Variants in MSL2 observed in about 807,000 individuals in gnomAD.
MSL2 encodes the protein MSL complex subunit 2.
In MSL2, 2 loss-of-function variants were observed where a neutral mutation model predicts 35.8. The observed-to-expected ratio is 0.06, with a 90% CI of 0.02 to 0.18. The LOEUF (loss-of-function observed/expected upper bound fraction) is 0.18. Among genes scored for constraint, MSL2 ranks in the 10% least tolerant of loss-of-function variants. The probability of loss-of-function intolerance (pLI) is 1.00; values close to 1 mark genes in which losing one functional copy is unlikely to be tolerated. For synonymous variants in MSL2, 296 were observed against 255.7 expected, an observed-to-expected ratio of 1.16 and a Z score of -1.50; for missense variants, 523 against 706.7, an observed-to-expected ratio of 0.74 and a Z score of 2.95.
At chr3:136,166,779 A>G (rs969668043) in intron 1 of MSL2, among the ~76,000 whole-genome samples, 7 of 152,366 alleles carry the variant, frequency 4.6e-5, no homozygotes, top group African/African-American at 1.2e-4. Flanking sequence ...TAGCACAGAT[A>G]AACAACAAGG....
intron 1 of MSL2, chr3:136,155,690 TG>T: frequency 4.1e-6 from 2 of 492,120 alleles, no homozygotes; most frequent in Non-Finnish European, 8.2e-6. Flanking sequence ...GCTGCCTGAA[TG>T]GGGGGAACTT....
chr3:136,155,996 G>C (rs1939508357), intron 1 of MSL2: 1 of 361,354 alleles, frequency 2.8e-6, no homozygotes, highest in African/African-American at 2.1e-5. Context: ...TTCCATAATG[G>C]TCTCTAACAT....
At chr3:136,190,456 TAA>T (rs1407706361) in intron 1 of MSL2, among the ~76,000 whole-genome samples, 3 of 150,484 alleles carry the variant, frequency 2.0e-5, no homozygotes, top group Admixed American at 6.6e-5. Flanking sequence ...CTCTAGAGGC[TAA>T]TGCCAGAGGA....
In MSL2 at chr3:136,151,894, T is replaced by C; in HGVS notation, c.987A>G (p.Thr329=). Residue 329 remains threonine, a synonymous_variant, in exon 2 of 2, where the codon ACA becomes ACG. Coordinates refer to ENST00000309993, the MANE Select transcript of MSL2 (RefSeq NM_018133.4). This position sits in a 1 kb window ranked among gnomAD's most constrained non-coding sequence, Gnocchi z 5.2. ...TSPALHGLSC[T]AATPKIAKLN... Reference sequence around the variant, plus strand: ...ATTTTGCTATCTTCGGAGTTGCTGCTGTACATGATAACCCATGAAGTGCAG... The same window carrying C: ...ATTTTGCTATCTTCGGAGTTGCTGCCGTACATGATAACCCATGAAGTGCAG... 2 of 1,614,210 alleles carry C rather than the reference T, an allele frequency of 1.2e-6. No individual in the cohort carries two copies. The highest frequency in any genetic ancestry group is 1.7e-6 in the Non-Finnish European group (2 of 1,180,038).
At chr3:136,167,832 A>G (rs1347516713) in intron 1 of MSL2, among the ~76,000 whole-genome samples, 1 of 152,188 alleles carries the variant, frequency 6.6e-6, no homozygotes, top group African/African-American at 2.4e-5. Context: ...TTTTTGTAAT[A>G]CCCTCAATCA....
intron 1 of MSL2, among the ~76,000 whole-genome samples, chr3:136,160,879 GA>G (rs1939690762): frequency 6.6e-6 from 1 of 152,006 alleles, no homozygotes; most frequent in African/African-American, 2.4e-5. Flanking sequence ...ACGAGGTCAG[GA>G]GATCGAGACG....
At chr3:136,165,085 G>A (rs972047081) in intron 1 of MSL2, among the ~76,000 whole-genome samples, 1 of 151,958 alleles carries the variant, frequency 6.6e-6, no homozygotes, top group Non-Finnish European at 1.5e-5. Context: ...ATGTTGGCCA[G>A]GCTGGTCTTG....
intron 1 of MSL2, among the ~76,000 whole-genome samples, chr3:136,158,459 ACT>A (rs1939599263): frequency 6.6e-6 from 1 of 152,172 alleles, no homozygotes; most frequent in South Asian, 2.1e-4. Context: ...GAGAAATTGA[ACT>A]TCTTTAACTT....
At chr3:136,175,687 AAACAAC>A (rs369286125) in intron 1 of MSL2, among the ~76,000 whole-genome samples, 2 of 152,130 alleles carry the variant, frequency 1.3e-5, no homozygotes, top group Non-Finnish European at 2.9e-5. Context: ...CCATCTCAAA[AAACAAC>A]AACAACAACA....
In MSL2 at chr3:136,195,926, C is replaced by G. The variant is rs889052724; in HGVS notation, c.-813G>C. ...GGCGGCGCCCCTCGCGCCTCAGTCG[C>G]ACACTCCGGGGTCACCAGACTCAAG... is the stretch of plus-strand genomic sequence containing the variant. On this transcript the variant is annotated 5_prime_UTR_variant, in exon 1 of 2. Coordinates refer to ENST00000309993, the MANE Select transcript of MSL2 (RefSeq NM_018133.4). The G allele has an allele frequency of 1.6e-6, 1 of 616,868 alleles. No homozygotes were observed. Among genetic ancestry groups the G allele is most frequent in the African/African-American group, 2.0e-5 (1 of 48,858 alleles). The allele number at this position is 616,868 out of a possible 1,614,324, so 38.2% of individuals were successfully genotyped here.
Position 136,195,657 on chromosome 3 carries a change from G to A in MSL2, c.-544C>T, listed in dbSNP as rs1026200400. 2.2e-5 allele frequency: 22 copies of A among 980,068 alleles called. No homozygotes were observed. Among genetic ancestry groups the A allele is most frequent in the Non-Finnish European group, 2.4e-5 (20 of 825,002 alleles). 60.7% of individuals were successfully genotyped at this position (980,068 alleles called of 1,614,324 possible). A position where few individuals can be genotyped will look rare whatever the true frequency, so the allele number is the denominator to read the frequency against. ...CGGGCAGCGGCTTCCCGGATCTAGT[G>A]CAAGACGCCGCGGCGGCGACGAAGG... On this transcript the variant is annotated 5_prime_UTR_variant, in exon 1 of 2. Coordinates refer to ENST00000309993, the MANE Select transcript of MSL2 (RefSeq NM_018133.4).
chr3:136,191,738 A>T (rs116386819), intron 1 of MSL2, among the ~76,000 whole-genome samples: 5 of 152,310 alleles, frequency 3.3e-5, no homozygotes, highest in African/African-American at 1.2e-4. Context: ...GCACCACTGC[A>T]CTCCAACCTG....
rs1216766454 is a variant in MSL2 at position 136,191,728 on chromosome 3, G to A, written c.142+3244C>T. 3.3e-5 allele frequency among the ~76,000 whole-genome samples: 5 copies of A among 152,078 alleles called. 1 individual carries two copies. In the South Asian group the frequency reaches 8.3e-4, roughly 25 times the overall value. On this transcript the variant is annotated intron_variant, in intron 1 of 1. Transcript: ENST00000309993. ...TTTAAGGCTGCAGTGAGCTAGGATC[G>A]CACCACTGCACTCCAACCTGAGCAA...
intron 1 of MSL2, among the ~76,000 whole-genome samples, chr3:136,177,729 C>A (rs1480065947): frequency 1.3e-5 from 2 of 150,174 alleles, no homozygotes; most frequent in Non-Finnish European, 3.0e-5. Context: ...AATATTTTGA[C>A]CACTTGACTG....
intron 1 of MSL2, among the ~76,000 whole-genome samples, chr3:136,156,760 CAGG>C (rs1480954904): frequency 4.6e-5 from 7 of 152,148 alleles, no homozygotes; most frequent in Non-Finnish European, 1.0e-4. Flanking sequence ...GAGGCTGAGG[CAGG>C]AGAATAGCGT....
rs1262384613 is a variant in MSL2 at position 136,162,268 on chromosome 3, G to GT, written c.143-9531dup. Among the ~76,000 whole-genome samples the GT allele has an allele frequency of 3.3e-3, 479 of 144,336 alleles. 5 individuals are homozygous for GT. Among genetic ancestry groups the GT allele is most frequent in the African/African-American group, 0.011 (444 of 38,856 alleles). 94.7% of individuals were successfully genotyped at this position (144,336 alleles called of 152,430 possible). On this transcript the variant is annotated intron_variant, in intron 1 of 1. Transcript: ENST00000309993. ...TGCATTTGAAAAGATAAACCATAAG[G>GT]TTTTTAAAAAAAAAAAAAAAAGAGG...
At chr3:136,191,972 A>G (rs980414675) in intron 1 of MSL2, among the ~76,000 whole-genome samples, 2 of 152,218 alleles carry the variant, frequency 1.3e-5, no homozygotes, top group South Asian at 2.1e-4. Flanking sequence ...AGGCTGTCAT[A>G]AACACCTACA....
At chr3:136,169,312 G>A (rs1014690159) in intron 1 of MSL2, among the ~76,000 whole-genome samples, 5 of 145,718 alleles carry the variant, frequency 3.4e-5, no homozygotes, top group South Asian at 4.4e-4. Flanking sequence ...GGGGGTACAC[G>A]TGATATTCTG....
intron 1 of MSL2, among the ~76,000 whole-genome samples, chr3:136,180,419 G>C (rs1940307210): frequency 6.6e-6 from 1 of 152,000 alleles, no homozygotes; most frequent in Non-Finnish European, 1.5e-5. Flanking sequence ...TCAGATACAG[G>C]ATGTTAACAC....
Sources: gnomAD v4.1 joint callset for allele counts (sites outside exome capture counted in the v4.1 genomes callset) on GRCh38, gnomAD v4.1.1 for gene constraint, Gnocchi (gnomAD v3.1) non-coding constraint, MANE v1.5 for transcripts, NCBI Gene and HGNC (gene_info 2026-07-23, HGNC 2026-07-21) for gene names.